SKAP1: variants seen among roughly 807,000 people sequenced by gnomAD.
The protein encoded by SKAP1 is src kinase-associated phosphoprotein 1.
SKAP1 carries 44 observed loss-of-function variants against 58.5 expected under a neutral mutation model. The ratio of observed to expected loss-of-function variants is 0.75; its 90% CI spans 0.59 to 0.97. The LOEUF (loss-of-function observed/expected upper bound fraction) is 0.97, where lower values mean the gene tolerates loss of function less well. Ranked by LOEUF, SKAP1 falls within the 50% of genes least tolerant of loss-of-function variation. SKAP1 has a pLI of 0.00. For synonymous variants in SKAP1, 127 were observed against 149.7 expected (o/e 0.85, Z 1.11); for missense variants, 390 against 435.2 (o/e 0.90, Z 0.92).
chr17:48,410,934 CAAAAAAAAAAAAA>C (rs61705374), intron 1 of SKAP1, among the ~76,000 whole-genome samples: 1 of 66,972 alleles, frequency 1.5e-5, no homozygotes, highest in Non-Finnish European at 2.8e-5. Flanking sequence ...GACTCCATTT[CAAAAAAAAAAAAA>C]AAAAAAAAAA....
chr17:48,157,224 T>C (rs987204818), intron 11 of SKAP1, among the ~76,000 whole-genome samples: 8 of 140,292 alleles, frequency 5.7e-5, no homozygotes, highest in African/African-American at 1.9e-4. Flanking sequence ...CACTTGGTTA[T>C]CTCTGGGGAG....
At chr17:48,248,826 A>G (rs2065327791) in intron 4 of SKAP1, 1 of 152,198 alleles carries the variant, frequency 6.6e-6, no homozygotes, top group South Asian at 2.1e-4. Context: ...TTTAATTTCT[A>G]TCAATGAACA....
At chr17:48,140,933 C>T (rs541878538) in intron 11 of SKAP1, among the ~76,000 whole-genome samples, 1 of 151,974 alleles carries the variant, frequency 6.6e-6, no homozygotes, top group African/African-American at 2.4e-5. Context: ...ACTACAGGCA[C>T]GTGCCACCAT....
intron 1 of SKAP1, among the ~76,000 whole-genome samples, chr17:48,405,402 T>C (rs1030435422): frequency 2.5e-4 from 15 of 59,272 alleles, no homozygotes; most frequent in Admixed American, 1.7e-3. Context: ...CCTTTCTTTC[T>C]TTCTTTCTTT....
At chr17:48,217,650 T>C (rs2064956326) in intron 4 of SKAP1, among the ~76,000 whole-genome samples, 1 of 151,846 alleles carries the variant, frequency 6.6e-6, no homozygotes, top group Non-Finnish European at 1.5e-5. Flanking sequence ...TGTCTCTAAA[T>C]AAATAAATAA....
At chr17:48,349,204 T>A (rs574900281) in intron 3 of SKAP1, among the ~76,000 whole-genome samples, 3 of 152,358 alleles carry the variant, frequency 2.0e-5, no homozygotes, top group East Asian at 3.9e-4. Flanking sequence ...TTTAAGAACA[T>A]CATTTTTCTT....
At chr17:48,387,751 G>C (rs373500794) in intron 2 of SKAP1, among the ~76,000 whole-genome samples, 19 of 152,176 alleles carry the variant, frequency 1.2e-4, no homozygotes, top group African/African-American at 3.9e-4. Flanking sequence ...TCCATTTCCT[G>C]CTGGACTACC....
chr17:48,139,890 C>T (rs1369548149), intron 11 of SKAP1, among the ~76,000 whole-genome samples: 2 of 152,188 alleles, frequency 1.3e-5, no homozygotes, highest in African/African-American at 2.4e-5. Flanking sequence ...TTTAAGACTA[C>T]CCCTCACAAC....
intron 4 of SKAP1, among the ~76,000 whole-genome samples, chr17:48,212,743 A>G (rs2064889197): frequency 6.6e-6 from 1 of 152,184 alleles, no homozygotes; most frequent in Admixed American, 6.5e-5. Context: ...ATCTTTTCCA[A>G]TCTGATCTCC....
chr17:48,348,572 C>A (rs1013980887), intron 3 of SKAP1, among the ~76,000 whole-genome samples: 7 of 151,978 alleles, frequency 4.6e-5, no homozygotes, highest in African/African-American at 1.7e-4. Context: ...GGTCTATCTG[C>A]CAAAACCAAT....
At chr17:48,331,469 G>A (rs2066505950) in intron 4 of SKAP1, among the ~76,000 whole-genome samples, 1 of 152,120 alleles carries the variant, frequency 6.6e-6, no homozygotes, top group Non-Finnish European at 1.5e-5. Flanking sequence ...GGAGGCCAAG[G>A]TGGGCGGATC....
At chr17:48,312,701 G>C (rs1048309232) in intron 4 of SKAP1, among the ~76,000 whole-genome samples, 2 of 152,176 alleles carry the variant, frequency 1.3e-5, no homozygotes, top group Non-Finnish European at 2.9e-5. Context: ...TCAAGTTTAA[G>C]GGGAAACTGA....
At chr17:48,215,005 C>T (rs1443526648) in intron 4 of SKAP1, among the ~76,000 whole-genome samples, 4 of 140,734 alleles carry the variant, frequency 2.8e-5, no homozygotes, top group South Asian at 2.6e-4. Context: ...AGGCTGGTCT[C>T]GAACTCCTGG....
At chr17:48,217,104 T>A (rs2064949291) in intron 4 of SKAP1, among the ~76,000 whole-genome samples, 1 of 152,176 alleles carries the variant, frequency 6.6e-6, no homozygotes, top group Admixed American at 6.5e-5. Context: ...AATGTTTTTG[T>A]CAAATTTGAA....
intron 4 of SKAP1, among the ~76,000 whole-genome samples, chr17:48,207,846 A>G (rs529497575): frequency 6.6e-6 from 1 of 152,334 alleles, no homozygotes; most frequent in South Asian, 2.1e-4. Context: ...CCTGTAGATC[A>G]AATCAAATCA....
chr17:48,148,097 A>G (rs2063854319), intron 11 of SKAP1, among the ~76,000 whole-genome samples: 1 of 152,128 alleles, frequency 6.6e-6, no homozygotes, highest in Non-Finnish European at 1.5e-5. Context: ...TTCAGCCTTA[A>G]AGGTGAAGCT....
chr17:48,271,361 T>TC (rs1351802719), intron 4 of SKAP1, among the ~76,000 whole-genome samples: 2 of 145,430 alleles, frequency 1.4e-5, no homozygotes, highest in Non-Finnish European at 3.0e-5. Flanking sequence ...TTTCTTTGTT[T>TC]CTTTTTTTTT....
chr17:48,274,883 C>T (rs2065679597), intron 4 of SKAP1, among the ~76,000 whole-genome samples: 1 of 151,954 alleles, frequency 6.6e-6, no homozygotes, highest in Non-Finnish European at 1.5e-5. Context: ...TCTTCCAGTC[C>T]TGTTTCCAAA....
intron 3 of SKAP1, among the ~76,000 whole-genome samples, chr17:48,350,258 T>C (rs745597588): frequency 1.3e-5 from 2 of 152,200 alleles, no homozygotes; most frequent in Non-Finnish European, 2.9e-5. Context: ...AAAACATATA[T>C]GTTTGCTTAT....
Sources: allele counts gnomAD v4.1 joint callset (sites outside exome capture counted in the v4.1 genomes callset), GRCh38; gene constraint gnomAD v4.1.1; transcripts MANE v1.5; gene names NCBI Gene and HGNC (gene_info 2026-07-23, HGNC 2026-07-21).